Variants in CECR2 observed in about 807,000 individuals in gnomAD.
CECR2 encodes chromatin remodeling regulator CECR2.
A neutral mutation model predicts 154.5 loss-of-function variants in CECR2; 30 were observed. That is an observed-to-expected ratio of 0.19 (90% CI 0.15 to 0.26). The LOEUF is 0.26. Ranked by LOEUF, CECR2 falls within the 10% of genes least tolerant of loss-of-function variation. The pLI, the probability that CECR2 is intolerant of heterozygous loss-of-function variation, is 1.00. For synonymous variants in CECR2, 725 were observed against 683.7 expected (o/e 1.06, Z -0.94); for missense variants, 1,743 against 1,829.3 (o/e 0.95, Z 0.86).
chr22:17,398,994 A>G (rs2053853384), intron 1 of CECR2, among the ~76,000 whole-genome samples: 1 of 152,162 alleles, frequency 6.6e-6, no homozygotes, highest in Non-Finnish European at 1.5e-5. Flanking sequence ...CCTCCTGGGA[A>G]TGTGTTAGAA....
At chr22:17,506,266 G>A (rs1015411905) in intron 7 of CECR2, among the ~76,000 whole-genome samples, 1 of 152,230 alleles carries the variant, frequency 6.6e-6, no homozygotes, top group African/African-American at 2.4e-5. Context: ...AGCTGGGCCT[G>A]CAGGCACATG....
intron 1 of CECR2, among the ~76,000 whole-genome samples, chr22:17,414,221 C>G (rs920023982): frequency 3.9e-5 from 6 of 152,122 alleles, no homozygotes; most frequent in African/African-American, 1.4e-4. Flanking sequence ...ATCCGCCCGC[C>G]TTGGCCTCCC....
At chr22:17,488,684 T>C (rs906326447) in intron 2 of CECR2, among the ~76,000 whole-genome samples, 7 of 152,210 alleles carry the variant, frequency 4.6e-5, no homozygotes, top group Non-Finnish European at 7.3e-5. Context: ...GTGAAAAATA[T>C]ATCACAATTT....
At chr22:17,523,755 C>CAAAAAAA (rs66963477) in intron 8 of CECR2, among the ~76,000 whole-genome samples, 1 of 101,160 alleles carries the variant, frequency 9.9e-6, no homozygotes, top group Non-Finnish European at 2.0e-5. Flanking sequence ...GACTCTATCT[C>CAAAAAAA]AAAAAAAAAA....
At chr22:17,408,730 T>C (rs2054022305) in intron 1 of CECR2, among the ~76,000 whole-genome samples, 1 of 152,212 alleles carries the variant, frequency 6.6e-6, no homozygotes, top group African/African-American at 2.4e-5. Flanking sequence ...AACATGAATA[T>C]ATTTTGGGTT....
intron 1 of CECR2, among the ~76,000 whole-genome samples, chr22:17,411,117 C>T (rs1028309321): frequency 3.3e-5 from 5 of 152,104 alleles, no homozygotes; most frequent in Non-Finnish European, 5.9e-5. Context: ...TCATGACTGG[C>T]CGTGTATTAT....
rs533065027 is a variant in CECR2, at chr22:17,446,693, G to A, written c.127-30895G>A. On this transcript the variant is annotated intron_variant, in intron 1 of 18. Transcript: ENST00000262608. ...ATCCTGCCACTGCACTCCAGCCTGG[G>A]TGACAGAGCGAGACTTTGTCTCAAA... Among the ~76,000 whole-genome samples, 10 of 152,274 alleles carry A rather than the reference G, an allele frequency of 6.6e-5. No individual in the cohort carries two copies. In the South Asian group the frequency reaches 2.1e-3, roughly 32 times the overall value.
intron 1 of CECR2, among the ~76,000 whole-genome samples, chr22:17,458,769 C>T (rs1011048118): frequency 1.3e-5 from 2 of 152,140 alleles, no homozygotes; most frequent in Non-Finnish European, 2.9e-5. Flanking sequence ...GATTTAAAAA[C>T]AGAGAGTACT....
chr22:17,368,884 A>G (rs1291230643), upstream of CECR2, among the ~76,000 whole-genome samples: 8 of 151,716 alleles, frequency 5.3e-5, no homozygotes, highest in East Asian at 1.6e-3. Context: ...TTCCAGCTCA[A>G]TCAGCCCCAC....
chr22:17,545,444 G>GA (rs761498388), intron 16 of CECR2, among the ~76,000 whole-genome samples: 42 of 143,004 alleles, frequency 2.9e-4, no homozygotes, highest in South Asian at 1.1e-3. Context: ...GGAGAAAATG[G>GA]AAAAAAAAAT....
chr22:17,477,896 C>T (rs1038402560), intron 2 of CECR2, among the ~76,000 whole-genome samples: 1 of 152,158 alleles, frequency 6.6e-6, no homozygotes, highest in African/African-American at 2.4e-5. Flanking sequence ...TTATTTCATT[C>T]TCACAAATCC....
intron 1 of CECR2, among the ~76,000 whole-genome samples, chr22:17,464,519 T>C (rs2146745366): frequency 6.6e-6 from 1 of 152,282 alleles, no homozygotes; most frequent in African/African-American, 2.4e-5. Context: ...AGGCAAGGTC[T>C]CTCTCTTCTC....
chr22:17,433,228 T>C (rs2054453784), intron 1 of CECR2, among the ~76,000 whole-genome samples: 1 of 152,178 alleles, frequency 6.6e-6, no homozygotes, highest in Non-Finnish European at 1.5e-5. Context: ...TAGAAACACT[T>C]TTCACATGTA....
chr22:17,461,700 T>C (rs5747177), intron 1 of CECR2, among the ~76,000 whole-genome samples: 16,595 of 152,202 alleles, frequency 0.11, 1,041 homozygotes, highest in South Asian at 0.24. Context: ...TTCCCATGTT[T>C]TTCCTCTGCG....
chr22:17,360,434 C>CA (rs1271896861), intron 1 of CECR2, among the ~76,000 whole-genome samples: 1 of 152,184 alleles, frequency 6.6e-6, no homozygotes, highest in African/African-American at 2.4e-5. Context: ...ATAATCCCAG[C>CA]ACTTTGAGAG....
rs572729141 is a variant in CECR2, at chr22:17,553,029, A to G, written c.*189A>G. ...AGGACACTCCTTAGATGACTGACAC[A>G]CAGATTGCAAAGGTCCTCGGCCAGG... On this transcript the variant is annotated 3_prime_UTR_variant, in exon 19 of 19. Transcript: ENST00000262608. The G allele has an allele frequency of 4.5e-6, 6 of 1,332,644 alleles. No individual in the cohort carries two copies. The highest frequency in any genetic ancestry group is 4.0e-4 in the Middle Eastern group (2 of 5,042). The allele number at this position is 1,332,644 out of a possible 1,614,324, so 82.6% of individuals were successfully genotyped here. A position where few individuals can be genotyped will look rare whatever the true frequency, so the allele number is the denominator to read the frequency against.
chr22:17,491,587 G>GGC (rs1211004772), intron 2 of CECR2, among the ~76,000 whole-genome samples: 1 of 120,334 alleles, frequency 8.3e-6, no homozygotes, highest in Admixed American at 9.9e-5. Context: ...GTGTGTGGGG[G>GGC]GGTGGGTGTT....
At chr22:17,396,031 G>C (rs2053804282) in intron 1 of CECR2, among the ~76,000 whole-genome samples, 1 of 151,684 alleles carries the variant, frequency 6.6e-6, no homozygotes, top group East Asian at 1.9e-4. Context: ...CTTGAGTTTA[G>C]GAGTTGGAGA....
chr22:17,525,739 A>C (rs564844742), intron 9 of CECR2, among the ~76,000 whole-genome samples: 1 of 152,322 alleles, frequency 6.6e-6, no homozygotes, highest in Admixed American at 6.5e-5. Flanking sequence ...AGGACATAAT[A>C]ACTGGCTTTT....
Sources: gnomAD v4.1 joint callset for allele counts (sites outside exome capture counted in the v4.1 genomes callset) on GRCh38, gnomAD v4.1.1 for gene constraint, MANE v1.5 for transcripts, NCBI Gene and HGNC (gene_info 2026-07-23, HGNC 2026-07-21) for gene names.